Variants in C9orf85 observed in about 807,000 individuals in gnomAD.
The protein encoded by C9orf85 is uncharacterized protein C9orf85.
Under a neutral mutation model 14.9 loss-of-function variants are expected in C9orf85, and 16 were observed. That is an observed-to-expected ratio of 1.08 (90% CI 0.73 to 1.63). The LOEUF (loss-of-function observed/expected upper bound fraction) is 1.63. C9orf85 is among the 40% of genes most tolerant of loss of function. C9orf85 has a pLI of 0.00. For synonymous variants in C9orf85, 45 were observed against 56.8 expected (o/e 0.79, Z 0.93); for missense variants, 172 against 186.1 (o/e 0.92, Z 0.44).
chr9:71,917,929 T>TC (rs1827694547), intron 1 of C9orf85, among the ~76,000 whole-genome samples: 1 of 152,206 alleles, frequency 6.6e-6, no homozygotes, highest in African/African-American at 2.4e-5. Flanking sequence ...ATGCCTGTAA[T>TC]CACAGCACTT....
At chr9:71,951,100 C>T (rs1214731369) in intron 2 of C9orf85, among the ~76,000 whole-genome samples, 1 of 152,116 alleles carries the variant, frequency 6.6e-6, no homozygotes, top group African/African-American at 2.4e-5. Flanking sequence ...TTGCATGTTT[C>T]TCTTTTTCTT....
intron 1 of C9orf85, among the ~76,000 whole-genome samples, chr9:71,941,615 T>C (rs1329872286): frequency 6.6e-6 from 1 of 152,156 alleles, no homozygotes; most frequent in East Asian, 1.9e-4. Flanking sequence ...TTTCAAAAAA[T>C]ATTCATGTAA....
At chr9:71,968,170 A>G (rs1359962420) in intron 2 of C9orf85, among the ~76,000 whole-genome samples, 1 of 151,818 alleles carries the variant, frequency 6.6e-6, no homozygotes, top group Admixed American at 6.6e-5. Context: ...TGTGTGCAAG[A>G]TGTTTATATA....
intron 2 of C9orf85, among the ~76,000 whole-genome samples, chr9:71,960,878 G>A (rs181818169): frequency 2.1e-4 from 32 of 151,074 alleles, no homozygotes; most frequent in Non-Finnish European, 4.3e-4. Flanking sequence ...ACCAGTGTGT[G>A]GCAATGCACA....
intron 2 of C9orf85, among the ~76,000 whole-genome samples, chr9:71,960,932 G>A (rs1822500950): frequency 7.1e-6 from 1 of 140,132 alleles, no homozygotes; most frequent in African/African-American, 2.7e-5. Flanking sequence ...TTTTTTTTGA[G>A]ACGGAGTTTT....
At chr9:71,935,434 A>G (rs1828166054) in intron 1 of C9orf85, among the ~76,000 whole-genome samples, 1 of 152,146 alleles carries the variant, frequency 6.6e-6, no homozygotes, top group Admixed American at 6.5e-5. Context: ...CTTAAAAAGG[A>G]AGGAAATTCT....
chr9:71,923,324 T>C (rs1180139488), intron 1 of C9orf85, among the ~76,000 whole-genome samples: 4 of 152,160 alleles, frequency 2.6e-5, no homozygotes, highest in African/African-American at 9.7e-5. Context: ...TGGAGTACAA[T>C]GGCATGATCT....
chr9:71,978,916 T>C (rs1222095312), intron 3 of C9orf85, among the ~76,000 whole-genome samples: 1 of 152,140 alleles, frequency 6.6e-6, no homozygotes, highest in African/African-American at 2.4e-5. Flanking sequence ...GTGCCTGTAG[T>C]CCCAGCTACT....
intron 2 of C9orf85, among the ~76,000 whole-genome samples, chr9:71,963,836 C>G (rs1822602189): frequency 6.6e-6 from 1 of 152,212 alleles, no homozygotes; most frequent in African/African-American, 2.4e-5. Context: ...TCCCTGGACT[C>G]CTGTGCAACC....
intron 2 of C9orf85, among the ~76,000 whole-genome samples, chr9:71,958,886 ATAT>A (rs984749606): frequency 2.6e-5 from 4 of 152,066 alleles, no homozygotes; most frequent in African/African-American, 9.7e-5. Context: ...TAACCTCAAG[ATAT>A]TATATAAGTT....
At chr9:71,972,004 C>T (rs1053160117) in intron 3 of C9orf85, among the ~76,000 whole-genome samples, 1 of 149,956 alleles carries the variant, frequency 6.7e-6, no homozygotes, top group Non-Finnish European at 1.5e-5. Flanking sequence ...AAGAGATGAT[C>T]CGTGATCCAT....
chr9:71,947,758 CT>C (rs1364437067), intron 2 of C9orf85, among the ~76,000 whole-genome samples: 4 of 152,108 alleles, frequency 2.6e-5, no homozygotes, highest in African/African-American at 9.7e-5. Context: ...ATTCTCCTGC[CT>C]CGGCCTCCCA....
chr9:71,966,228 C>T lies in C9orf85; in HGVS notation c.210-5277C>T, dbSNP rs546427263. Among the ~76,000 whole-genome samples, 6 of 152,310 alleles carry T rather than the reference C, an allele frequency of 3.9e-5. No homozygotes were observed. In the South Asian group the frequency reaches 1.0e-3, roughly 26 times the overall value. ...TGACCATGAGGCATGCCTGGAGTCT[C>T]TCTGAATCTGCTGTGATTCTGGGGG... is the stretch of plus-strand genomic sequence containing the variant. On this transcript the variant is annotated intron_variant, in intron 2 of 3. Coordinates refer to ENST00000334731, the MANE Select transcript of C9orf85 (RefSeq NM_182505.5).
intron 1 of C9orf85, among the ~76,000 whole-genome samples, chr9:71,923,614 G>T (rs975570380): frequency 3.3e-5 from 5 of 152,132 alleles, no homozygotes; most frequent in African/African-American, 2.4e-5. Flanking sequence ...CAGTGTAACT[G>T]TTCTTTTGCA....
At chr9:71,970,995 T>A (rs1822847534) in intron 2 of C9orf85, among the ~76,000 whole-genome samples, 1 of 152,116 alleles carries the variant, frequency 6.6e-6, no homozygotes, top group South Asian at 2.1e-4. Context: ...TCTCAGGTGA[T>A]CTGCCCGCCT....
chr9:71,970,228 G>A lies in C9orf85; in HGVS notation c.210-1277G>A, dbSNP rs543816783. On this transcript the variant is annotated intron_variant, in intron 2 of 3. Coordinates refer to ENST00000334731, the MANE Select transcript of C9orf85 (RefSeq NM_182505.5). Reference sequence around the variant, plus strand: ...CTCCCAAAGTGCTGGGATTATAGGCGTGAGCCACGGCACCCGGCCAGTTTT... The same window carrying A: ...CTCCCAAAGTGCTGGGATTATAGGCATGAGCCACGGCACCCGGCCAGTTTT... 8.1e-4 allele frequency among the ~76,000 whole-genome samples: 124 copies of A among 152,314 alleles called. 1 individual carries two copies. Among genetic ancestry groups the A allele is most frequent in the African/African-American group, 2.9e-3 (121 of 41,564 alleles).
intron 2 of C9orf85, among the ~76,000 whole-genome samples, chr9:71,950,191 T>C (rs1444177794): frequency 6.6e-6 from 1 of 152,196 alleles, no homozygotes; most frequent in Non-Finnish European, 1.5e-5. Context: ...CTTATATTCA[T>C]TCACTTCACT....
chr9:71,945,793 G>T (rs1485695717), intron 1 of C9orf85, among the ~76,000 whole-genome samples: 7 of 152,082 alleles, frequency 4.6e-5, no homozygotes, highest in Non-Finnish European at 1.0e-4. Context: ...TTCTCCCCTT[G>T]AGAAATTTTA....
At chr9:71,947,480 A>G (rs752225384) in intron 2 of C9orf85, among the ~76,000 whole-genome samples, 4 of 152,196 alleles carry the variant, frequency 2.6e-5, no homozygotes, top group Non-Finnish European at 5.9e-5. Flanking sequence ...TCAGACCTTT[A>G]GACCTTTTAA....
Sources: gnomAD v4.1 joint callset for allele counts (sites outside exome capture counted in the v4.1 genomes callset) on GRCh38, gnomAD v4.1.1 for gene constraint, MANE v1.5 for transcripts, NCBI Gene and HGNC (gene_info 2026-07-23, HGNC 2026-07-21) for gene names.